Variants in PXMP4 observed in about 807,000 individuals in gnomAD.
The protein encoded by PXMP4 is peroxisomal membrane protein 4, also known as 24 kDa peroxisomal intrinsic membrane protein.
A neutral mutation model predicts 21.6 loss-of-function variants in PXMP4; 16 were observed. The ratio of observed to expected loss-of-function variants is 0.74; its 90% CI spans 0.50 to 1.13. The LOEUF is 1.13. Ranked by LOEUF, PXMP4 falls within the 50% of genes most tolerant of loss-of-function variation. The pLI, the probability that PXMP4 is intolerant of heterozygous loss-of-function variation, is 0.00. For missense variants in PXMP4, 240 were observed against 277.7 expected (o/e 0.86, Z 0.96); for synonymous variants, 127 against 123.8 (o/e 1.03, Z -0.17).
chr20:33,712,716 C>T (rs1225979720), intron 2 of PXMP4, among the ~76,000 whole-genome samples: 3 of 152,054 alleles, frequency 2.0e-5, no homozygotes, highest in East Asian at 1.9e-4. Context: ...CTGCAATCTC[C>T]GCCTCTCAGG....
At chr20:33,718,355 A>C (rs1020371354) in intron 1 of PXMP4, among the ~76,000 whole-genome samples, 4 of 151,422 alleles carry the variant, frequency 2.6e-5, no homozygotes, top group Middle Eastern at 3.2e-3. Context: ...CTAAAAATAC[A>C]AAAAAATTAG....
chr20:33,707,742 G>C lies in PXMP4; in HGVS notation c.603C>G (p.Asp201Glu), dbSNP rs772041080. ...GACGGCTCTTGTTATAGACGAGGAA[G>C]TCTGAGATGTCGTGCCATACATTGC... ...EDSNVWHDIS[D>E]FLVYNKSRPS... The change falls in exon 4 of 4, where the codon GAC becomes GAG. Residue 201 changes from aspartate to glutamate, a missense_variant. Physicochemically the swap from Asp to Glu is conservative, Grantham distance 45. Transcript: ENST00000409299. 2 of 1,614,058 alleles carry C rather than the reference G, an allele frequency of 1.2e-6. No homozygotes were observed. Among genetic ancestry groups the C allele is most frequent in the African/African-American group, 2.7e-5 (2 of 74,930 alleles).
At chr20:33,720,035 C>A in intron 1 of PXMP4, 60 bp downstream of exon 1, 1 of 1,526,216 alleles carries the variant, frequency 6.6e-7, no homozygotes, top group Non-Finnish European at 9.0e-7. Context: ...TTCGAACTCG[C>A]GCCTCTGACC....
intron 1 of PXMP4, among the ~76,000 whole-genome samples, chr20:33,718,590 C>T (rs1055637231): frequency 2.6e-5 from 4 of 151,056 alleles, no homozygotes; most frequent in African/African-American, 7.3e-5. Context: ...AAGGATATGC[C>T]CTTGGCCAGA....
rs987164726 is a variant in PXMP4 at position 33,702,794 on chromosome 20, C to T, written c.*4912G>A. 1 of 152,088 alleles carries T rather than the reference C, an allele frequency of 6.6e-6. No homozygotes were observed. Among genetic ancestry groups the T allele is most frequent in the African/African-American group, 2.4e-5 (1 of 41,396 alleles). The allele number at this position is 152,088 out of a possible 1,614,324, so 9.4% of individuals were successfully genotyped here. ...ATTTATTTATTTTAGTCTTACATGT[C>T]AAAAGAATTAACAGGATTGTAGCAG... is the stretch of plus-strand genomic sequence containing the variant. On this transcript the variant is annotated 3_prime_UTR_variant, in exon 4 of 4. Transcript: ENST00000409299.
Position 33,707,649 on chromosome 20 carries a change from T to C in PXMP4, c.*57A>G, listed in dbSNP as rs1460671128. ...ATGATCTTGAGAAGGCAGTATCCTT[T>C]GGGAGGGTCTGCATGGGGCCAAATC... On this transcript the variant is annotated 3_prime_UTR_variant, in exon 4 of 4. Transcript: ENST00000409299. The C allele has an allele frequency of 5.7e-6, 9 of 1,581,198 alleles. No individual in the cohort carries two copies. The highest frequency in any genetic ancestry group is 7.8e-6 in the Non-Finnish European group (9 of 1,157,892).
chr20:33,708,935 A>G (rs990183709), intron 3 of PXMP4, among the ~76,000 whole-genome samples: 3 of 152,208 alleles, frequency 2.0e-5, no homozygotes, highest in Non-Finnish European at 4.4e-5. Flanking sequence ...CAATTTAAAA[A>G]TATTTAAGAA....
rs2018279523 is a variant in PXMP4, at chr20:33,707,948, G to A, written c.397C>T (p.Arg133Cys). 17 of 1,613,874 alleles carry A rather than the reference G, an allele frequency of 1.1e-5. No individual in the cohort carries two copies. The South Asian group carries it at 1.1e-4, about 10-fold the overall frequency. The change falls in exon 4 of 4, where the codon CGC becomes TGC. Residue 133 changes from arginine to cysteine, a missense_variant. Physicochemically the swap from Arg to Cys is radical, Grantham distance 180. Transcript: ENST00000409299. Reference sequence around the variant, plus strand: ...AGGCGGCTCAGGGCAAACAGGACGCGTGACAACAGGTACATGTTGATCTGC... The same window carrying A: ...AGGCGGCTCAGGGCAAACAGGACGCATGACAACAGGTACATGTTGATCTGC... ...NSQINMYLLSRVLFALSRLAV... is the reference protein window; with the variant it reads ...NSQINMYLLSCVLFALSRLAV...
intron 1 of PXMP4, among the ~76,000 whole-genome samples, chr20:33,717,021 T>C (rs2018390192): frequency 6.6e-6 from 1 of 151,602 alleles, no homozygotes; most frequent in Non-Finnish European, 1.5e-5. Flanking sequence ...CTAAAAATAC[T>C]ACAAAAATTA....
intron 1 of PXMP4, among the ~76,000 whole-genome samples, chr20:33,715,851 T>TC (rs1208813686): frequency 6.6e-6 from 1 of 151,312 alleles, no homozygotes; most frequent in Non-Finnish European, 1.5e-5. Flanking sequence ...CTTTTTTTTT[T>TC]TTTTTTTTTT....
rs1318115152 is a variant in PXMP4, at chr20:33,706,619, G to T, written c.*1087C>A. 1 of 152,062 alleles carries T rather than the reference G, an allele frequency of 6.6e-6. No individual in the cohort carries two copies. The highest frequency in any genetic ancestry group is 1.5e-5 in the Non-Finnish European group (1 of 68,028). 9.4% of individuals were successfully genotyped at this position (152,062 alleles called of 1,614,324 possible). A position where few individuals can be genotyped will look rare whatever the true frequency, so the allele number is the denominator to read the frequency against. On this transcript the variant is annotated 3_prime_UTR_variant, in exon 4 of 4. Coordinates refer to ENST00000409299, the MANE Select transcript of PXMP4 (RefSeq NM_007238.5). ...CCAGAACCTTCCCCAAGGTTACACA[G>T]TGGGGGAGTGGGGACTCAAACCCAT...
chr20:33,714,168 G>A (rs551214961), intron 2 of PXMP4, among the ~76,000 whole-genome samples: 5 of 152,340 alleles, frequency 3.3e-5, no homozygotes, highest in African/African-American at 1.2e-4. Flanking sequence ...AGAAGGCCCT[G>A]AAGGCCAGGC....
Position 33,720,291 on chromosome 20 carries a change from C to A in PXMP4, c.-84G>T, listed in dbSNP as rs748240705. The A allele has an allele frequency of 8.2e-7, 1 of 1,212,856 alleles. No homozygotes were observed. The highest frequency in any genetic ancestry group is 1.2e-6 in the Non-Finnish European group (1 of 856,966). 75.1% of individuals were successfully genotyped at this position (1,212,856 alleles called of 1,614,324 possible). A position where few individuals can be genotyped will look rare whatever the true frequency, so the allele number is the denominator to read the frequency against. ...TTCCAGCTGCGCGCCCACAGCCCCT[C>A]GGTAGCGCCGCCGACTCGTGGCGTC... On this transcript the variant is annotated 5_prime_UTR_variant, in exon 1 of 4. Transcript: ENST00000409299.
At position 33,714,684 on chromosome 20, in the gene PXMP4, G is replaced by A. The variant is rs773129070; in HGVS notation, c.166C>T (p.Arg56Trp). The change falls in exon 2 of 4, where the codon CGG becomes TGG. Residue 56 changes from arginine to tryptophan, a missense_variant. By Grantham distance (101) the Arg-to-Trp change is moderately radical. Coordinates refer to ENST00000409299, the MANE Select transcript of PXMP4 (RefSeq NM_007238.5). ...TTGAGGGATGTGTACCTGCCATTCC[G>A]GAAGAGAAAGGTCATGACCAGCGCG... ...PHALVMTFLF[R>W]NGSLQEKLWA... 5.6e-6 allele frequency: 9 copies of A among 1,613,914 alleles called. No homozygotes were observed. The highest frequency in any genetic ancestry group is 1.7e-5 in the Admixed American group (1 of 59,976).
chr20:33,711,194 T>A (rs2018322363), intron 2 of PXMP4, among the ~76,000 whole-genome samples: 2 of 152,314 alleles, frequency 1.3e-5, no homozygotes, highest in African/African-American at 2.4e-5. Context: ...ATGTGCTGGA[T>A]GTGGGGGTAC....
At chr20:33,713,148 T>C (rs1370924659) in intron 2 of PXMP4, among the ~76,000 whole-genome samples, 2 of 152,202 alleles carry the variant, frequency 1.3e-5, no homozygotes, top group African/African-American at 4.8e-5. Context: ...CAATTTCCCA[T>C]TGCACTTAAA....
chr20:33,719,560 C>T (rs2018424253), intron 1 of PXMP4, among the ~76,000 whole-genome samples: 1 of 152,210 alleles, frequency 6.6e-6, no homozygotes, highest in Non-Finnish European at 1.5e-5. Flanking sequence ...GGTAAGATGC[C>T]AGGATAGTTG....
intron 2 of PXMP4, among the ~76,000 whole-genome samples, chr20:33,713,528 C>T (rs1174898198): frequency 2.0e-5 from 3 of 152,194 alleles, no homozygotes; most frequent in African/African-American, 7.2e-5. Context: ...ATACCACAGA[C>T]TCTCCTTACT....
intron 2 of PXMP4, among the ~76,000 whole-genome samples, chr20:33,713,306 T>G (rs979519211): frequency 2.0e-5 from 3 of 152,160 alleles, no homozygotes; most frequent in African/African-American, 7.2e-5. Context: ...TCAAGGTCTT[T>G]GCACTGGCTA....
Sources: gnomAD v4.1 joint callset for allele counts (sites outside exome capture counted in the v4.1 genomes callset) on GRCh38, gnomAD v4.1.1 for gene constraint, MANE v1.5 for transcripts, NCBI Gene and HGNC (gene_info 2026-07-23, HGNC 2026-07-21) for gene names.